The following SPAG16 variants were observed in gnomAD, a reference collection of about 807,000 sequenced individuals.
The protein encoded by SPAG16 is sperm associated antigen 16.
A neutral mutation model predicts 80.4 loss-of-function variants in SPAG16; 86 were observed. That is an observed-to-expected ratio of 1.07 (90% CI 0.90 to 1.28). SPAG16 has a LOEUF of 1.28. Among genes scored for constraint, SPAG16 ranks in the 50% most tolerant of loss-of-function variants. The pLI, the probability that SPAG16 is intolerant of heterozygous loss-of-function variation, is 0.00. For missense variants in SPAG16, 870 were observed against 765.3 expected (o/e 1.14, Z -1.61); for synonymous variants, 294 against 265.9 (o/e 1.11, Z -1.03).
At chr2:213,452,793 C>T (rs2071779506) in intron 9 of SPAG16, among the ~76,000 whole-genome samples, 2 of 152,214 alleles carry the variant, frequency 1.3e-5, no homozygotes, top group African/African-American at 2.4e-5. Flanking sequence ...TGGGCCTTTG[C>T]ATATGCCCTA....
intron 10 of SPAG16, among the ~76,000 whole-genome samples, chr2:213,525,335 C>A (rs545920654): frequency 7.5e-6 from 1 of 132,902 alleles, no homozygotes; most frequent in East Asian, 2.2e-4. Flanking sequence ...TTCACCCAGG[C>A]TGGAGTGCAG....
chr2:213,362,957 C>A (rs140793295), intron 7 of SPAG16, among the ~76,000 whole-genome samples: 19 of 152,132 alleles, frequency 1.2e-4, no homozygotes, highest in African/African-American at 4.6e-4. Flanking sequence ...TTGGAGAGGA[C>A]AAATATCCAA....
chr2:213,295,012 G>C (rs2062440206), intron 1 of SPAG16, among the ~76,000 whole-genome samples: 1 of 152,070 alleles, frequency 6.6e-6, no homozygotes, highest in Non-Finnish European at 1.5e-5. Flanking sequence ...ATTAAATACT[G>C]TGTAAGTGTT....
At chr2:213,453,318 A>G (rs537922626) in intron 9 of SPAG16, among the ~76,000 whole-genome samples, 19 of 152,334 alleles carry the variant, frequency 1.2e-4, no homozygotes, top group African/African-American at 4.6e-4. Context: ...ATGAATATAA[A>G]GTGGTAGTAA....
intron 9 of SPAG16, among the ~76,000 whole-genome samples, chr2:213,390,088 T>G (rs339813): frequency 0.97 from 148,356 of 152,244 alleles, 72,393 homozygotes; most frequent in East Asian, 1. Context: ...TCCACAACAT[T>G]GATGAAGCTT....
intron 15 of SPAG16, among the ~76,000 whole-genome samples, chr2:214,222,198 C>A (rs1344727487): frequency 1.4e-5 from 2 of 145,550 alleles, no homozygotes; most frequent in African/African-American, 2.5e-5. Context: ...CTCACTGCAA[C>A]CCCCGCCTCC....
At chr2:214,272,379 T>G (rs1232403788) in intron 15 of SPAG16, among the ~76,000 whole-genome samples, 1 of 152,124 alleles carries the variant, frequency 6.6e-6, no homozygotes, top group African/African-American at 2.4e-5. Context: ...ATGTGCCATG[T>G]TGGTTTGCTG....
rs1166814560 is a variant in SPAG16, at chr2:214,247,034, A to G, written c.1720+97768A>G. Among the ~76,000 whole-genome samples the G allele has an allele frequency of 2.0e-5, 3 of 152,160 alleles. No individual in the cohort carries two copies. In the East Asian group the frequency reaches 5.8e-4, roughly 29 times the overall value. On this transcript the variant is annotated intron_variant, in intron 15 of 15. Coordinates refer to ENST00000331683, the MANE Select transcript of SPAG16 (RefSeq NM_024532.5). ...AATGTTTTTTAGTTTTAATTACACC[A>G]AGACACAACACTGCATCATAGGAGT...
intron 9 of SPAG16, among the ~76,000 whole-genome samples, chr2:213,436,258 C>G (rs1307882227): frequency 6.6e-6 from 1 of 152,134 alleles, no homozygotes; most frequent in Non-Finnish European, 1.5e-5. Context: ...TAGCGGTTTT[C>G]ACATTTAAGA....
At chr2:214,320,641 GA>G (rs1338977834) in intron 15 of SPAG16, among the ~76,000 whole-genome samples, 1 of 152,170 alleles carries the variant, frequency 6.6e-6, no homozygotes, top group Non-Finnish European at 1.5e-5. Flanking sequence ...AGTGCAGTAG[GA>G]AGGAGAAGGG....
intron 5 of SPAG16, among the ~76,000 whole-genome samples, chr2:213,335,572 GTTAT>G (rs67039793): frequency 0.19 from 29,421 of 152,036 alleles, 3,773 homozygotes; most frequent in Non-Finnish European, 0.29. Flanking sequence ...GTCAGCTTAT[GTTAT>G]TTGTCAAATT....
intron 11 of SPAG16, among the ~76,000 whole-genome samples, chr2:213,891,055 G>C (rs888986270): frequency 2.0e-5 from 3 of 151,678 alleles, no homozygotes; most frequent in Non-Finnish European, 4.4e-5. Context: ...AGAAATCATT[G>C]GTATTTTTCT....
chr2:214,015,519 A>G (rs1198037725), intron 13 of SPAG16, among the ~76,000 whole-genome samples: 2 of 151,804 alleles, frequency 1.3e-5, no homozygotes, highest in Non-Finnish European at 2.9e-5. Flanking sequence ...AATCGCTTGT[A>G]TCCAGGAGGC....
At chr2:214,188,920 A>G (rs1183096687) in intron 15 of SPAG16, among the ~76,000 whole-genome samples, 1 of 152,082 alleles carries the variant, frequency 6.6e-6, no homozygotes, top group Non-Finnish European at 1.5e-5. Flanking sequence ...ATTTATAGCA[A>G]GGTGTGTCAG....
chr2:213,794,096 G>C (rs2070873079), intron 10 of SPAG16, among the ~76,000 whole-genome samples: 1 of 152,086 alleles, frequency 6.6e-6, no homozygotes, highest in Non-Finnish European at 1.5e-5. Flanking sequence ...AGTGAAATGT[G>C]TTTTAAGTCC....
At chr2:214,374,166 T>C (rs2126094069) in intron 15 of SPAG16, among the ~76,000 whole-genome samples, 1 of 152,368 alleles carries the variant, frequency 6.6e-6, no homozygotes, top group East Asian at 1.9e-4. Context: ...TTTTATGTTA[T>C]GGGCAACTTG....
chr2:214,388,726 T>A (rs2126122929), intron 15 of SPAG16, among the ~76,000 whole-genome samples: 1 of 152,342 alleles, frequency 6.6e-6, no homozygotes, highest in East Asian at 1.9e-4. Context: ...CAAAAGCATG[T>A]GCATGTGAAA....
At chr2:213,867,923 CAACAAAAAAAAA>C (rs1219878919) in intron 11 of SPAG16, among the ~76,000 whole-genome samples, 4 of 55,368 alleles carry the variant, frequency 7.2e-5, no homozygotes, top group African/African-American at 2.4e-4. Context: ...GACTCTGTCT[CAACAAAAAAAAA>C]AAAAAAAAAA....
At chr2:213,611,190 A>C (rs567171101) in intron 10 of SPAG16, among the ~76,000 whole-genome samples, 1 of 152,092 alleles carries the variant, frequency 6.6e-6, no homozygotes, top group South Asian at 2.1e-4. Context: ...CACCTTAATA[A>C]ATTTGTGTGC....
Sources: allele counts gnomAD v4.1 joint callset (sites outside exome capture counted in the v4.1 genomes callset), GRCh38; gene constraint gnomAD v4.1.1; transcripts MANE v1.5; gene names NCBI Gene and HGNC (gene_info 2026-07-23, HGNC 2026-07-21).